Variants in COL11A2 observed in about 807,000 individuals in gnomAD.
COL11A2 encodes the protein collagen type XI alpha 2 chain.
In COL11A2, 116 loss-of-function variants were observed where a neutral mutation model predicts 273.4. The observed-to-expected ratio is 0.42, with a 90% CI of 0.36 to 0.49. COL11A2 has a LOEUF of 0.49. COL11A2 is among the 20% of genes least tolerant of loss of function. The pLI, the probability that COL11A2 is intolerant of heterozygous loss-of-function variation, is 0.00. For synonymous variants in COL11A2, 782 were observed against 864.2 expected (o/e 0.90, Z 1.67); for missense variants, 1,866 against 2,309.0 (o/e 0.81, Z 3.93).
intron 4 of COL11A2, 146 bp downstream of exon 4, chr6:33,188,216 C>T: frequency 1.0e-6 from 1 of 990,126 alleles, no homozygotes; most frequent in East Asian, 2.4e-5. Context: ...GAACAGTAGC[C>T]CTGAAGATAG....
At chr6:33,186,606 G>T in intron 5 of COL11A2, 21 bp downstream of exon 5, 1 of 1,614,154 alleles carries the variant, frequency 6.2e-7, no homozygotes, top group Non-Finnish European at 8.5e-7. Flanking sequence ...CTGCACTTGG[G>T]GGTTCTCCCA....
At position 33,168,701 on chromosome 6, in the gene COL11A2, C is replaced by T. The variant is rs909701207; in HGVS notation, c.3906+5G>A. 6.3e-7 allele frequency: 1 copy of T among 1,590,634 alleles called. No individual in the cohort carries two copies. Among genetic ancestry groups the T allele is most frequent in the Non-Finnish European group, 8.6e-7 (1 of 1,168,214 alleles). On this transcript the variant is annotated splice_donor_5th_base_variant and intron_variant, in intron 53 of 65. Coordinates refer to ENST00000341947, the MANE Select transcript of COL11A2 (RefSeq NM_080680.3). ...AGGGGGGTGGTGGGGTCACCAGGCA[C>T]TCACAGGCTGTCCTGGCTCACCATC...
chr6:33,176,701 A>G lies in COL11A2; in HGVS notation c.2115+20T>C. 1 of 1,611,474 alleles carries G rather than the reference A, an allele frequency of 6.2e-7. No individual in the cohort carries two copies. ...CTGAGTGGAGACTCCCTCAGGGGAT[A>G]AAGACATGGAAGATCTCACCTGGTT... On this transcript the variant is annotated intron_variant, in intron 26 of 65. Coordinates refer to ENST00000341947, the MANE Select transcript of COL11A2 (RefSeq NM_080680.3). The surrounding 1 kb of genome is among the most constrained non-coding windows in gnomAD (Gnocchi z 4.9).
At position 33,176,200 on chromosome 6, in the gene COL11A2, C is replaced by A. The variant is rs1202295407; in HGVS notation, c.2214+59G>T. 3 of 1,605,528 alleles carry A rather than the reference C, an allele frequency of 1.9e-6. No homozygotes were observed. The highest frequency in any genetic ancestry group is 1.1e-5 in the South Asian group (1 of 90,778). ...AGTGCGGGGCAGGCTGGAGGGAAGG[C>A]AGTGAAGAGAGGAGATGGCAGGACT... On this transcript the variant is annotated intron_variant, in intron 28 of 65. Coordinates refer to ENST00000341947, the MANE Select transcript of COL11A2 (RefSeq NM_080680.3). This position sits in a 1 kb window ranked among gnomAD's most constrained non-coding sequence, Gnocchi z 4.9.
intron 41 of COL11A2, 23 bp downstream of exon 41, chr6:33,172,027 C>A: frequency 6.2e-7 from 1 of 1,612,896 alleles, no homozygotes; most frequent in Non-Finnish European, 8.5e-7. Context: ...TCCTTCCTAC[C>A]ACTTCCGGAA....
rs760233846 is a variant in COL11A2 at position 33,167,459 on chromosome 6, G to A, written c.4089C>T (p.Gly1363=). 6.2e-6 allele frequency: 10 copies of A among 1,612,780 alleles called. No homozygotes were observed. In the African/African-American group the frequency reaches 1.3e-4, roughly 22 times the overall value. ...CTGGGAGCCCCCTCAGACCATCAGG[G>A]CCAGGTTTCCCTGCTGGGCCTGCAG... The part of the protein sequence containing the change: ...VGPAGPAGKP[G]PDGLRGLPGS... Residue 1363 remains glycine, a synonymous_variant, in exon 56 of 66, where the codon GGC becomes GGT. Coordinates refer to ENST00000341947, the MANE Select transcript of COL11A2 (RefSeq NM_080680.3). The surrounding 1 kb of genome is among the most constrained non-coding windows in gnomAD (Gnocchi z 6.1).
Position 33,181,155 on chromosome 6 carries a change from G to C in COL11A2, c.1135C>G (p.Arg379Gly). ...TCTCCTTTCTCTCCCTTCAGCCCTC[G>C]GGGTCCATGGGCAGCCTGAAGGAGA... Reference protein sequence around the residue: ...AHSGAAAHGPRGLKGEKGEPA... With the variant: ...AHSGAAAHGPGGLKGEKGEPA... Residue 379 changes from arginine to glycine, a missense_variant, in exon 9 of 66, where the codon CGA becomes GGA. Physicochemically the swap from Arg to Gly is moderately radical, Grantham distance 125. Transcript: ENST00000341947. 1 of 1,614,060 alleles carries C rather than the reference G, an allele frequency of 6.2e-7. No individual in the cohort carries two copies. The highest frequency in any genetic ancestry group is 1.1e-5 in the South Asian group (1 of 91,064).
Position 33,192,322 on chromosome 6 carries a change from G to C in COL11A2, c.-82C>G, listed in dbSNP as rs539232957. 1.8e-4 allele frequency: 241 copies of C among 1,357,826 alleles called. 2 individuals are homozygous for C. The South Asian group carries it at 2.0e-3, about 11-fold the overall frequency. 84.1% of individuals were successfully genotyped at this position (1,357,826 alleles called of 1,614,324 possible). A position where few individuals can be genotyped will look rare whatever the true frequency, so the allele number is the denominator to read the frequency against. ...TGCCCTGAGGCTGACAGAAGACAGG[G>C]AGCAGACTATGAGCCTCAGACGCCG... On this transcript the variant is annotated 5_prime_UTR_variant, in exon 1 of 66. Coordinates refer to ENST00000341947, the MANE Select transcript of COL11A2 (RefSeq NM_080680.3).
rs1292917337 is a variant in COL11A2 at position 33,171,474 on chromosome 6, C to T, written c.3251G>A (p.Gly1084Glu). The stretch of plus-strand genomic sequence containing the variant: ...TCTGTGGGGTCCCCTCACCTTGTCT[C>T]CATCCTCTCCAGCCACACCTGGAGG... ...AGPPGVAGED[G>E]DKGEVGDPGQ... Residue 1084 changes from glycine (G) to glutamate (E), a missense_variant, in exon 43 of 66, where the codon GGA (glycine) becomes GAA (glutamate). Physicochemically the swap from Gly to Glu is moderately conservative, Grantham distance 98 (BLOSUM62 -2). Transcript: ENST00000341947. 36 of 1,613,846 alleles carry T rather than the reference C, an allele frequency of 2.2e-5. No individual in the cohort carries two copies. The highest frequency in any genetic ancestry group is 3.0e-5 in the Non-Finnish European group (35 of 1,179,942).
In COL11A2 at chr6:33,180,997, G is replaced by A. The variant is rs532305958; in HGVS notation, c.1188C>T (p.Leu396=). ...GEPAVLEPGM[L]VEGPPGPEGP... is the part of the protein sequence containing the mutation. ...CTTCTGGGCCAGGGGGCCCCTCCAC[G>A]AGCATACCCTGTGGAGTCAAAGGTT... Residue 396 remains leucine, a synonymous_variant, in exon 10 of 66, where the codon CTC becomes CTT. Transcript: ENST00000341947. 33 of 1,614,092 alleles carry A rather than the reference G, an allele frequency of 2.0e-5. No individual in the cohort carries two copies. The highest frequency in any genetic ancestry group is 1.7e-4 in the Admixed American group (10 of 60,028).
intron 1 of COL11A2, 45 bp downstream of exon 1, chr6:33,192,114 G>A: frequency 1.3e-6 from 2 of 1,526,520 alleles, no homozygotes; most frequent in South Asian, 2.4e-5. Context: ...GACACTCAGA[G>A]CTCCAGCCTG....
At position 33,184,325 on chromosome 6, in the gene COL11A2, C is replaced by T. The variant is rs1174492734; in HGVS notation, c.940-1G>A. ...GGGGGACCTGGAGATCTGTCTGCTC[C>T]TTCCCAGGGATGGGGAGGGAGAGGG... On this transcript the variant is annotated splice_acceptor_variant, in intron 7 of 65. Coordinates refer to ENST00000341947, the MANE Select transcript of COL11A2 (RefSeq NM_080680.3). LOFTEE classifies it high-confidence loss of function. 7.3e-7 allele frequency: 1 copy of T among 1,366,136 alleles called. No individual in the cohort carries two copies. Among genetic ancestry groups the T allele is most frequent in the Non-Finnish European group, 9.8e-7 (1 of 1,020,854 alleles). The allele number at this position is 1,366,136 out of a possible 1,614,324, so 84.6% of individuals were successfully genotyped here.
At position 33,168,514 on chromosome 6, in the gene COL11A2, C is replaced by T. The variant is rs1253796267; in HGVS notation, c.3960+5G>A. The T allele has an allele frequency of 2.2e-5, 36 of 1,613,400 alleles. No individual in the cohort carries two copies. The highest frequency in any genetic ancestry group is 3.0e-5 in the Non-Finnish European group (35 of 1,179,920). On this transcript the variant is annotated splice_donor_5th_base_variant and intron_variant, in intron 54 of 65. Coordinates refer to ENST00000341947, the MANE Select transcript of COL11A2 (RefSeq NM_080680.3). ...CCCAAGGTCTCAGGGGTCCACCTCA[C>T]TTACTCGCTTTCCAAGTGGCCCTGG... is the stretch of plus-strand genomic sequence containing the variant.
At chr6:33,180,631 C>T in intron 11 of COL11A2, 37 bp downstream of exon 11, 1 of 1,566,966 alleles carries the variant, frequency 6.4e-7, no homozygotes, top group Non-Finnish European at 8.7e-7. Context: ...ACTAGCTCCC[C>T]CGAAGCTCCC....
At position 33,172,336 on chromosome 6, in the gene COL11A2, C is replaced by T; in HGVS notation, c.2941G>A (p.Ala981Thr). Residue 981 changes from alanine to threonine, a missense_variant, in exon 40 of 66, where the codon GCT (alanine) becomes ACT (threonine). Transcript: ENST00000341947. The part of the protein sequence containing the change: ...PPGAPGKDGP[A>T]GLRGFPGERG... ...TCTCCTGGGAATCCCCTCAGACCAG[C>T]AGGACCATCCTTCCCTGGGGCCCCA... 1 of 1,589,922 alleles carries T rather than the reference C, an allele frequency of 6.3e-7. No individual in the cohort carries two copies. The highest frequency in any genetic ancestry group is 2.3e-5 in the East Asian group (1 of 44,052).
At position 33,169,059 on chromosome 6, in the gene COL11A2, C is replaced by T; in HGVS notation, c.3799-51G>A. On this transcript the variant is annotated intron_variant, in intron 51 of 65. Coordinates refer to ENST00000341947, the MANE Select transcript of COL11A2 (RefSeq NM_080680.3). This position sits in a 1 kb window ranked among gnomAD's most constrained non-coding sequence, Gnocchi z 5.5. ...AGGGTCACAGCTCCCTAAGCCCACC[C>T]AGCACAGACGCCCACAGGCACACGC... 1 of 1,546,036 alleles carries T rather than the reference C, an allele frequency of 6.5e-7. No individual in the cohort carries two copies. The highest frequency in any genetic ancestry group is 8.8e-7 in the Non-Finnish European group (1 of 1,142,716).
In COL11A2 at chr6:33,165,326, C is replaced by G. The variant is rs1227493081; in HGVS notation, c.4750+223G>C. 6.6e-6 allele frequency among the ~76,000 whole-genome samples: 1 copy of G among 152,124 alleles called. No individual in the cohort carries two copies. The highest frequency in any genetic ancestry group is 1.5e-5 in the Non-Finnish European group (1 of 68,016). On this transcript the variant is annotated intron_variant, in intron 63 of 65. Transcript: ENST00000341947. This position sits in a 1 kb window ranked among gnomAD's most constrained non-coding sequence, Gnocchi z 7.7. Reference sequence around the variant, plus strand: ...GTGCACGTATGTATGTTTATCTGCTCCTGCAGACACTGGGCTGATAACCAA... The same window carrying G: ...GTGCACGTATGTATGTTTATCTGCTGCTGCAGACACTGGGCTGATAACCAA...
In COL11A2 at chr6:33,171,105, G is replaced by A; in HGVS notation, c.3366+9C>T. Reference sequence around the variant, plus strand: ...CTGGGCCTTCGGTGGGGGTGGAGGGGTCACTCACCGCTGCTCCAGGCTGCC... The same window carrying A: ...CTGGGCCTTCGGTGGGGGTGGAGGGATCACTCACCGCTGCTCCAGGCTGCC... On this transcript the variant is annotated intron_variant, in intron 45 of 65. Coordinates refer to ENST00000341947, the MANE Select transcript of COL11A2 (RefSeq NM_080680.3). 4 of 1,575,522 alleles carry A rather than the reference G, an allele frequency of 2.5e-6. No homozygotes were observed. Among genetic ancestry groups the A allele is most frequent in the Non-Finnish European group, 3.4e-6 (4 of 1,159,658 alleles).
rs1290911007 is a variant in COL11A2 at position 33,170,750 on chromosome 6, G to C, written c.3474+60C>G. Reference sequence around the variant, plus strand: ...TCGGCAGGCTGCTGGCAGAGTCTGGGGCAAAACATCACCCCATCCTGACCC... The same window carrying C: ...TCGGCAGGCTGCTGGCAGAGTCTGGCGCAAAACATCACCCCATCCTGACCC... On this transcript the variant is annotated intron_variant, in intron 46 of 65. Transcript: ENST00000341947. This position sits in a 1 kb window ranked among gnomAD's most constrained non-coding sequence, Gnocchi z 4.3. 3.1e-6 allele frequency: 5 copies of C among 1,598,458 alleles called. No individual in the cohort carries two copies. The highest frequency in any genetic ancestry group is 4.3e-6 in the Non-Finnish European group (5 of 1,166,996).
Sources: gnomAD v4.1 joint callset for allele counts (sites outside exome capture counted in the v4.1 genomes callset) on GRCh38, gnomAD v4.1.1 for gene constraint, Gnocchi (gnomAD v3.1) non-coding constraint, MANE v1.5 for transcripts, NCBI Gene and HGNC (gene_info 2026-07-23, HGNC 2026-07-21) for gene names.